Variants in FSHR observed in about 807,000 individuals in gnomAD.
FSHR encodes the protein follicle stimulating hormone receptor.
A neutral mutation model predicts 52.1 loss-of-function variants in FSHR; 46 were observed. The observed-to-expected ratio is 0.88, with a 90% CI of 0.70 to 1.13. The LOEUF (loss-of-function observed/expected upper bound fraction) is 1.13. FSHR is among the 50% of genes most tolerant of loss of function. FSHR has a pLI of 0.00. For synonymous variants in FSHR, 399 were observed against 309.6 expected, an observed-to-expected ratio of 1.29 and a Z score of -3.03; for missense variants, 964 against 834.6, an observed-to-expected ratio of 1.16 and a Z score of -1.91.
intron 1 of FSHR, among the ~76,000 whole-genome samples, chr2:49,101,485 T>A (rs543334755): frequency 1.3e-5 from 2 of 152,130 alleles, no homozygotes; most frequent in African/African-American, 4.8e-5. Context: ...CTAATTCTAA[T>A]GATAAGAAAG....
chr2:49,045,412 G>C (rs975798534), intron 2 of FSHR, among the ~76,000 whole-genome samples: 6 of 152,162 alleles, frequency 3.9e-5, no homozygotes, highest in Non-Finnish European at 8.8e-5. Flanking sequence ...TTATGTAGGA[G>C]ACATTGAACA....
At chr2:49,131,055 T>C (rs907427151) in intron 1 of FSHR, among the ~76,000 whole-genome samples, 6 of 152,314 alleles carry the variant, frequency 3.9e-5, no homozygotes, top group Middle Eastern at 3.4e-3. Flanking sequence ...AACAGAGTGA[T>C]GCAAAAATAA....
chr2:49,133,540 A>G (rs1193468591), intron 1 of FSHR, among the ~76,000 whole-genome samples: 1 of 152,148 alleles, frequency 6.6e-6, no homozygotes, highest in Non-Finnish European at 1.5e-5. Context: ...GCTACCAATG[A>G]CTTTCTTCAC....
intron 1 of FSHR, among the ~76,000 whole-genome samples, chr2:49,082,288 G>C (rs1332378551): frequency 6.6e-6 from 1 of 152,158 alleles, no homozygotes; most frequent in African/African-American, 2.4e-5. Context: ...TGAGGGTCCT[G>C]TCTGTTAGAA....
intron 2 of FSHR, among the ~76,000 whole-genome samples, chr2:49,047,195 C>G (rs1668693136): frequency 1.3e-5 from 2 of 152,162 alleles, no homozygotes. Flanking sequence ...AGTCAAATGT[C>G]TGCTTTACTA....
intron 1 of FSHR, among the ~76,000 whole-genome samples, chr2:49,143,820 T>A (rs1672776011): frequency 2.0e-5 from 3 of 152,044 alleles, no homozygotes; most frequent in African/African-American, 7.2e-5. Context: ...CTCTAGAAAA[T>A]GGAAGCCAAA....
rs537882920 is a variant in FSHR at position 49,132,290 on chromosome 2, T to G, written c.152+21976A>C. On this transcript the variant is annotated intron_variant, in intron 1 of 9. Transcript: ENST00000406846. The stretch of plus-strand genomic sequence containing the variant: ...ACTGCATGCACTCTGTTGGTGAAAT[T>G]ACTTCAGTCAATGTTCAGGACTGTA... Among the ~76,000 whole-genome samples, 5 of 152,306 alleles carry G rather than the reference T, an allele frequency of 3.3e-5. No homozygotes were observed. The South Asian group carries it at 1.0e-3, about 32-fold the overall frequency.
At chr2:48,997,687 G>GT (rs1676085423) in intron 4 of FSHR, among the ~76,000 whole-genome samples, 1 of 152,114 alleles carries the variant, frequency 6.6e-6, no homozygotes, top group Non-Finnish European at 1.5e-5. Context: ...TGTTACTGCT[G>GT]TGGTCATGCT....
chr2:49,015,613 G>C (rs918939110), intron 4 of FSHR, among the ~76,000 whole-genome samples: 1 of 152,102 alleles, frequency 6.6e-6, no homozygotes, highest in African/African-American at 2.4e-5. Flanking sequence ...TGCTTTTTCT[G>C]TTGTCACGTA....
At chr2:49,144,222 A>C (rs1672789921) in intron 1 of FSHR, among the ~76,000 whole-genome samples, 1 of 152,138 alleles carries the variant, frequency 6.6e-6, no homozygotes, top group Non-Finnish European at 1.5e-5. Context: ...AGACATAAAG[A>C]TTCTGATGCA....
rs527613454 is a variant in FSHR at position 48,967,574 on chromosome 2, C to T, written c.854+1124G>A. ...ATTGTCAGGAAGAAATTTCCTGGCTCTTGAGCTGATCTATGAAGAGTGCCC... is the reference window on the plus strand; with the variant it reads ...ATTGTCAGGAAGAAATTTCCTGGCTTTTGAGCTGATCTATGAAGAGTGCCC... On this transcript the variant is annotated intron_variant, in intron 9 of 9. Coordinates refer to ENST00000406846, the MANE Select transcript of FSHR (RefSeq NM_000145.4). Among the ~76,000 whole-genome samples the T allele has an allele frequency of 2.0e-5, 3 of 152,298 alleles. No homozygotes were observed. The East Asian group carries it at 5.8e-4, about 29-fold the overall frequency.
chr2:49,094,283 T>C (rs903149416), intron 1 of FSHR, among the ~76,000 whole-genome samples: 3 of 152,176 alleles, frequency 2.0e-5, no homozygotes, highest in African/African-American at 7.2e-5. Context: ...TCATAGGCAT[T>C]TTATTTGCAA....
At chr2:49,133,096 A>G in intron 1 of FSHR, among the ~76,000 whole-genome samples, 1 of 151,912 alleles carries the variant, frequency 6.6e-6, no homozygotes, top group East Asian at 1.9e-4. Context: ...AAGAACACAG[A>G]GTTCCCTCTT....
rs370755165 is a variant in FSHR, at chr2:49,136,663, A to G, written c.152+17603T>C. ...CAACATATAAAAATAATTATATATC[A>G]TGTTTAATTAATTGAGTTTTATTCC... On this transcript the variant is annotated intron_variant, in intron 1 of 9. Coordinates refer to ENST00000406846, the MANE Select transcript of FSHR (RefSeq NM_000145.4). 1.1e-4 allele frequency among the ~76,000 whole-genome samples: 16 copies of G among 152,230 alleles called. No individual in the cohort carries two copies. The East Asian group carries it at 3.1e-3, about 29-fold the overall frequency.
intron 2 of FSHR, among the ~76,000 whole-genome samples, chr2:49,041,362 G>T (rs1459589007): frequency 2.6e-5 from 4 of 152,186 alleles, no homozygotes; most frequent in African/African-American, 7.2e-5. Flanking sequence ...GAGACAGCAA[G>T]CCTTTTTGCT....
intron 1 of FSHR, among the ~76,000 whole-genome samples, chr2:49,073,930 C>A (rs1048974417): frequency 3.3e-5 from 5 of 152,014 alleles, no homozygotes; most frequent in Non-Finnish European, 7.4e-5. Context: ...CAAGAACACT[C>A]ACTGGGGAAA....
At chr2:49,051,242 G>T (rs1572681338) in intron 2 of FSHR, among the ~76,000 whole-genome samples, 1 of 152,036 alleles carries the variant, frequency 6.6e-6, no homozygotes, top group Admixed American at 6.6e-5. Context: ...TTTCTCTTGG[G>T]TCAATATAAG....
At chr2:49,152,080 A>G (rs1160527092) in intron 1 of FSHR, among the ~76,000 whole-genome samples, 1 of 152,160 alleles carries the variant, frequency 6.6e-6, no homozygotes, top group Admixed American at 6.6e-5. Context: ...AATCTTCTTA[A>G]GACTGGGTAT....
chr2:49,103,119 A>C (rs553260559), intron 1 of FSHR, among the ~76,000 whole-genome samples: 3 of 152,236 alleles, frequency 2.0e-5, no homozygotes, highest in African/African-American at 4.8e-5. Flanking sequence ...GAACTGTCTT[A>C]TCTCTCCTCC....
Sources: allele counts gnomAD v4.1 joint callset (sites outside exome capture counted in the v4.1 genomes callset), GRCh38; gene constraint gnomAD v4.1.1; transcripts MANE v1.5; gene names NCBI Gene and HGNC (gene_info 2026-07-23, HGNC 2026-07-21).